The following HEATR1 variants were observed in gnomAD, a reference collection of about 807,000 sequenced individuals.
HEATR1 encodes the protein HEAT repeat-containing protein 1.
In HEATR1, 77 loss-of-function variants were observed where a neutral mutation model predicts 248.2. The ratio of observed to expected loss-of-function variants is 0.31; its 90% confidence interval spans 0.26 to 0.37. The LOEUF (loss-of-function observed/expected upper bound fraction) is 0.37. HEATR1 is among the 10% of genes least tolerant of loss of function. HEATR1 has a pLI of 1.00. For synonymous variants in HEATR1, 897 were observed against 923.1 expected, an observed-to-expected ratio of 0.97 and a Z score of 0.51; for missense variants, 2,420 against 2,504.9, an observed-to-expected ratio of 0.97 and a Z score of 0.72.
intron 41 of HEATR1, among the ~76,000 whole-genome samples, chr1:236,555,066 C>T (rs988690152): frequency 3.9e-5 from 6 of 152,162 alleles, no homozygotes; most frequent in South Asian, 2.1e-4. Flanking sequence ...CTGACAGTAA[C>T]GGCCATTTAC....
At chr1:236,570,406 G>A (rs1050058392) in intron 28 of HEATR1, among the ~76,000 whole-genome samples, 2 of 152,180 alleles carry the variant, frequency 1.3e-5, no homozygotes, top group Non-Finnish European at 2.9e-5. Flanking sequence ...GATTGAGAGA[G>A]ACAGAAAATG....
chr1:236,560,759 G>C (rs1284264780), intron 33 of HEATR1, among the ~76,000 whole-genome samples: 1 of 152,202 alleles, frequency 6.6e-6, no homozygotes, highest in Non-Finnish European at 1.5e-5. Context: ...ATATGGATTA[G>C]AATCCACAGA....
At chr1:236,603,012 G>A (rs1664366634) in intron 3 of HEATR1, 148 bp downstream of exon 3, 2 of 613,826 alleles carry the variant, frequency 3.3e-6, no homozygotes, top group Non-Finnish European at 5.7e-6. Context: ...AAAGGCAGAA[G>A]AGCATGCTTA....
chr1:236,599,157 C>G (rs1445398858), intron 4 of HEATR1, among the ~76,000 whole-genome samples: 1 of 152,156 alleles, frequency 6.6e-6, no homozygotes, highest in Non-Finnish European at 1.5e-5. Context: ...AAGGCACAGA[C>G]TCTGGAATCA....
intron 39 of HEATR1, 62 bp from the exon 40 acceptor site, chr1:236,555,717 G>A: frequency 6.2e-7 from 1 of 1,604,764 alleles, no homozygotes. Flanking sequence ...ATTTTGGCAA[G>A]TACCACTGTT....
At chr1:236,564,134 A>G (rs1663208386) in intron 32 of HEATR1, among the ~76,000 whole-genome samples, 1 of 152,184 alleles carries the variant, frequency 6.6e-6, no homozygotes, top group Admixed American at 6.5e-5. Flanking sequence ...AAAATAAAAT[A>G]CAGGCAATTT....
chr1:236,601,226 T>C (rs1033179391), intron 3 of HEATR1, among the ~76,000 whole-genome samples: 2 of 151,842 alleles, frequency 1.3e-5, no homozygotes, highest in Non-Finnish European at 2.9e-5. Flanking sequence ...TGAAAAAAAA[T>C]TAGTTTATCC....
At chr1:236,573,982 C>CCT (rs1663498958) in intron 24 of HEATR1, 5 of 357,766 alleles carry the variant, frequency 1.4e-5, no homozygotes, top group Non-Finnish European at 2.5e-5. Flanking sequence ...CACATCCTAT[C>CCT]TGGTTAAAAT....
chr1:236,558,607 A>C, intron 35 of HEATR1, 78 bp from the exon 36 acceptor site: 1 of 1,409,338 alleles, frequency 7.1e-7, no homozygotes, highest in Non-Finnish European at 9.7e-7. Context: ...TCACAGCTTG[A>C]GATTGTCTAA....
At chr1:236,559,934 A>G (rs1370456914) in intron 33 of HEATR1, 97 bp from the exon 34 acceptor site, 1 of 1,284,570 alleles carries the variant, frequency 7.8e-7, no homozygotes, top group Non-Finnish European at 1.1e-6. Context: ...TAGAAAGACG[A>G]GTTAAATAAT....
intron 8 of HEATR1, among the ~76,000 whole-genome samples, chr1:236,595,233 C>T (rs1282921618): frequency 1.3e-5 from 2 of 151,896 alleles, no homozygotes; most frequent in African/African-American, 4.8e-5. Context: ...AATGAGAAGG[C>T]AAAGGTTTAC....
At chr1:236,561,624 A>C (rs1460818724) in intron 32 of HEATR1, among the ~76,000 whole-genome samples, 4 of 152,150 alleles carry the variant, frequency 2.6e-5, no homozygotes. Flanking sequence ...GGAATCCCCC[A>C]AGTACTGCTC....
At position 236,561,289 on chromosome 1, in the gene HEATR1, C is replaced by T. The variant is rs191173976; in HGVS notation, c.4600-18G>A. On this transcript the variant is annotated intron_variant, in intron 32 of 44. Transcript: ENST00000366582. Reference sequence around the variant, plus strand: ...TCAACTACCTAATTTTTAAAGAAGACGTCATTAGAACGGTAGGGAAGTCAA... The same window carrying T: ...TCAACTACCTAATTTTTAAAGAAGATGTCATTAGAACGGTAGGGAAGTCAA... The T allele has an allele frequency of 1.4e-5, 23 of 1,601,676 alleles. No homozygotes were observed. The East Asian group carries it at 2.9e-4, about 20-fold the overall frequency.
rs183614715 is a variant in HEATR1 at position 236,569,201 on chromosome 1, C to T, written c.3949-77G>A. On this transcript the variant is annotated intron_variant, in intron 28 of 44. Transcript: ENST00000366582. Reference sequence around the variant, plus strand: ...ATTTTTTTTTCAAGAGATAGCGTCTCGCTCCGTCATTCAGGCTGGGATGCA... The same window carrying T: ...ATTTTTTTTTCAAGAGATAGCGTCTTGCTCCGTCATTCAGGCTGGGATGCA... 1.7e-4 allele frequency: 195 copies of T among 1,150,594 alleles called. No homozygotes were observed. In the Middle Eastern group the frequency reaches 3.9e-3, roughly 23 times the overall value. 71.3% of individuals were successfully genotyped at this position (1,150,594 alleles called of 1,614,324 possible). A position where few individuals can be genotyped will look rare whatever the true frequency, so the allele number is the denominator to read the frequency against.
chr1:236,597,172 G>A (rs982196852), intron 5 of HEATR1, among the ~76,000 whole-genome samples, 196 bp from the exon 6 acceptor site: 22 of 149,888 alleles, frequency 1.5e-4, no homozygotes, highest in African/African-American at 5.1e-4. Flanking sequence ...CAGCTCTCCT[G>A]AATTACCATA....
Position 236,552,057 on chromosome 1 carries a change from C to A in HEATR1, c.6288G>T (p.Lys2096Asn). 1 of 1,613,746 alleles carries A rather than the reference C, an allele frequency of 6.2e-7. No homozygotes were observed. Among genetic ancestry groups the A allele is most frequent in the Non-Finnish European group, 8.5e-7 (1 of 1,179,868 alleles). Residue 2096 changes from lysine (K) to asparagine (N), a missense_variant, in exon 44 of 45, where the codon AAG becomes AAT. Lys to Asn is a moderately conservative substitution (Grantham distance 94). Transcript: ENST00000366582. ...ITVLALAEKL[K>N]ENYIVLLPES... ...CTGGTAGCAAGACAATATAATTCTC[C>A]TTTAGTTTTTCAGCCAGTGCTAACA...
chr1:236,580,365 T>C (rs1663681120), intron 20 of HEATR1, among the ~76,000 whole-genome samples: 1 of 152,216 alleles, frequency 6.6e-6, no homozygotes, highest in African/African-American at 2.4e-5. Flanking sequence ...CCATTGCTGC[T>C]ACAGCTCAGA....
intron 24 of HEATR1, 168 bp downstream of exon 24, chr1:236,574,034 T>A (rs1663500075): frequency 2.1e-6 from 1 of 482,702 alleles, no homozygotes; most frequent in African/African-American, 2.0e-5. Context: ...GGTAAAGATT[T>A]AAAATTTTTA....
In HEATR1 at chr1:236,597,886, A is replaced by AT; in HGVS notation, c.594dup (p.Ser199IlefsTer7). 6.2e-7 allele frequency: 1 copy of AT among 1,611,506 alleles called. No individual in the cohort carries two copies. Among genetic ancestry groups the AT allele is most frequent in the Non-Finnish European group, 8.5e-7 (1 of 1,177,956 alleles). ...TGAAACAGACTGCTCACCTTCACAG[A>AT]TTTTGTCACCAAACTGCAAATGAAA... On this transcript the variant is annotated frameshift_variant, in exon 5 of 45. Coordinates refer to ENST00000366582, the MANE Select transcript of HEATR1 (RefSeq NM_018072.6). LOFTEE classifies it high-confidence loss of function.
Sources: allele counts gnomAD v4.1 joint callset (sites outside exome capture counted in the v4.1 genomes callset), GRCh38; gene constraint gnomAD v4.1.1; transcripts MANE v1.5; gene names NCBI Gene and HGNC (gene_info 2026-07-23, HGNC 2026-07-21).